The following GRB10 variants were observed in gnomAD, a reference collection of about 807,000 sequenced individuals.
The protein encoded by GRB10 is growth factor receptor bound protein 10.
Under a neutral mutation model 80.9 loss-of-function variants are expected in GRB10, and 20 were observed. That is an observed-to-expected ratio of 0.25 (90% CI 0.17 to 0.36). The LOEUF is 0.36. Ranked by LOEUF, GRB10 falls within the 10% of genes least tolerant of loss-of-function variation. The pLI is 1.00. For missense variants in GRB10, 548 were observed against 747.7 expected (o/e 0.73, Z 3.12); for synonymous variants, 291 against 291.5 (o/e 1.00, Z 0.02).
At chr7:50,690,882 C>T (rs2062739524) in intron 5 of GRB10, among the ~76,000 whole-genome samples, 1 of 152,172 alleles carries the variant, frequency 6.6e-6, no homozygotes, top group South Asian at 2.1e-4. Flanking sequence ...ACTGTCAGAG[C>T]ATGGGGAAGG....
At chr7:50,747,880 T>G (rs2073277383) in intron 3 of GRB10, among the ~76,000 whole-genome samples, 2 of 151,550 alleles carry the variant, frequency 1.3e-5, no homozygotes, top group Admixed American at 6.6e-5. Flanking sequence ...TGGGAGATGA[T>G]GAATGGGCAG....
intron 7 of GRB10, among the ~76,000 whole-genome samples, chr7:50,654,197 C>T (rs2058365949): frequency 6.6e-6 from 1 of 152,334 alleles, no homozygotes; most frequent in Non-Finnish European, 1.5e-5. Flanking sequence ...CCCAGCTTCT[C>T]CTGAAGTGTG....
At chr7:50,622,982 T>C (rs1224238049) in intron 8 of GRB10, among the ~76,000 whole-genome samples, 1 of 152,156 alleles carries the variant, frequency 6.6e-6, no homozygotes, top group Non-Finnish European at 1.5e-5. Flanking sequence ...ATATAATTTG[T>C]TTACTTGATA....
At chr7:50,720,451 A>C (rs1396202998) in intron 4 of GRB10, among the ~76,000 whole-genome samples, 1 of 152,054 alleles carries the variant, frequency 6.6e-6, no homozygotes, top group East Asian at 1.9e-4. Flanking sequence ...GAGACTCATA[A>C]CCGGTGGCAG....
At chr7:50,707,681 T>C (rs2065230417) in intron 4 of GRB10, among the ~76,000 whole-genome samples, 1 of 152,252 alleles carries the variant, frequency 6.6e-6, no homozygotes, top group South Asian at 2.1e-4. Context: ...CCACAAGCAC[T>C]GAGAGACTAC....
intron 7 of GRB10, among the ~76,000 whole-genome samples, chr7:50,668,045 C>T (rs150618880): frequency 7.2e-5 from 11 of 152,316 alleles, no homozygotes; most frequent in Non-Finnish European, 1.5e-4. Flanking sequence ...AGGTAGACAT[C>T]CCAGATGCAC....
intron 7 of GRB10, among the ~76,000 whole-genome samples, chr7:50,658,391 A>G (rs1386555461): frequency 6.6e-6 from 1 of 152,238 alleles, no homozygotes; most frequent in Non-Finnish European, 1.5e-5. Flanking sequence ...AGCAGCAGCA[A>G]GAATTAGCAA....
chr7:50,713,137 G>C (rs2153677872), intron 4 of GRB10, among the ~76,000 whole-genome samples: 1 of 152,278 alleles, frequency 6.6e-6, no homozygotes, highest in African/African-American at 2.4e-5. Context: ...ACATGACCTT[G>C]GGGAAGACAT....
At chr7:50,702,038 T>C (rs140034374) in intron 5 of GRB10, among the ~76,000 whole-genome samples, 248 of 152,344 alleles carry the variant, frequency 1.6e-3, no homozygotes, top group African/African-American at 4.8e-3. Context: ...TGTTTTTCTT[T>C]TCCTGCCTCC....
At chr7:50,774,710 C>T (rs977443893) in intron 2 of GRB10, among the ~76,000 whole-genome samples, 1 of 152,150 alleles carries the variant, frequency 6.6e-6, no homozygotes, top group African/African-American at 2.4e-5. Context: ...AAATTTATGT[C>T]TTTCTCACAT....
At chr7:50,710,725 A>G in intron 4 of GRB10, 1 of 793,228 alleles carries the variant, frequency 1.3e-6, no homozygotes. Flanking sequence ...ACTCAGGGCA[A>G]CTGCCTCACC....
At chr7:50,776,563 C>A (rs1039531175) in intron 2 of GRB10, among the ~76,000 whole-genome samples, 6 of 152,154 alleles carry the variant, frequency 3.9e-5, no homozygotes, top group Admixed American at 2.0e-4. Flanking sequence ...CAATTCATTT[C>A]TCTCACATTT....
chr7:50,734,515 C>T (rs894507615), intron 3 of GRB10, among the ~76,000 whole-genome samples: 3 of 152,094 alleles, frequency 2.0e-5, no homozygotes, highest in African/African-American at 4.8e-5. Flanking sequence ...TCTCCCAGCT[C>T]ATCCGTGGAG....
At chr7:50,752,723 A>G (rs2074337289) in intron 3 of GRB10, among the ~76,000 whole-genome samples, 1 of 152,216 alleles carries the variant, frequency 6.6e-6, no homozygotes, top group Non-Finnish European at 1.5e-5. Context: ...ACAGGCCAAG[A>G]GCAGGAGAAC....
intron 17 of GRB10, among the ~76,000 whole-genome samples, chr7:50,600,403 T>C (rs1454499107): frequency 6.6e-6 from 1 of 152,140 alleles, no homozygotes; most frequent in Non-Finnish European, 1.5e-5. Context: ...TTGGAGCAAT[T>C]GTAAAGCCAC....
At chr7:50,786,789 A>C (rs2078711243), upstream of GRB10, among the ~76,000 whole-genome samples, 2 of 152,224 alleles carry the variant, frequency 1.3e-5, no homozygotes, top group African/African-American at 4.8e-5. Context: ...AAAAGTCATG[A>C]GATCCAAGAG....
At chr7:50,776,031 ACTGATAATCT>A in intron 2 of GRB10, among the ~76,000 whole-genome samples, 1 of 152,336 alleles carries the variant, frequency 6.6e-6, no homozygotes, top group Non-Finnish European at 1.5e-5. Flanking sequence ...GAGGGGCAGC[ACTGATAATCT>A]CTGAAATGCC....
chr7:50,713,013 C>T (rs1285461324), intron 4 of GRB10, among the ~76,000 whole-genome samples: 3 of 152,166 alleles, frequency 2.0e-5, no homozygotes, highest in Admixed American at 6.5e-5. Context: ...AAATAAAATG[C>T]CTTTGCCAAG....
intron 4 of GRB10, among the ~76,000 whole-genome samples, chr7:50,719,099 GC>G: frequency 6.6e-6 from 1 of 152,230 alleles, no homozygotes; most frequent in African/African-American, 2.4e-5. Context: ...CAAGTAGTGA[GC>G]AATAAACACA....
Sources: gnomAD v4.1 joint callset for allele counts (sites outside exome capture counted in the v4.1 genomes callset) on GRCh38, gnomAD v4.1.1 for gene constraint, MANE v1.5 for transcripts, NCBI Gene and HGNC (gene_info 2026-07-23, HGNC 2026-07-21) for gene names.